BEND6: variants seen among roughly 807,000 people sequenced by gnomAD.
BEND6 encodes BEN domain-containing protein 6.
BEND6 carries 24 observed loss-of-function variants against 31.8 expected under a neutral mutation model. That is an observed-to-expected ratio of 0.75 (90% CI 0.55 to 1.06). The LOEUF (loss-of-function observed/expected upper bound fraction) is 1.06. Ranked by LOEUF, BEND6 falls within the 50% of genes least tolerant of loss-of-function variation. The pLI is 0.00. For synonymous variants in BEND6, 109 were observed against 114.6 expected (o/e 0.95, Z 0.31); for missense variants, 294 against 327.4 (o/e 0.90, Z 0.79).
At chr6:57,025,784 C>G (rs1044934472) in intron 6 of BEND6, among the ~76,000 whole-genome samples, 6 of 151,968 alleles carry the variant, frequency 3.9e-5, no homozygotes, top group Admixed American at 6.6e-5. Flanking sequence ...CTGCTTGGAG[C>G]TTTTCGTTTT....
intron 1 of BEND6, among the ~76,000 whole-genome samples, chr6:56,967,500 A>C (rs1466295860): frequency 6.6e-6 from 1 of 152,154 alleles, no homozygotes; most frequent in East Asian, 1.9e-4. Flanking sequence ...CATTGGCTGA[A>C]ATCAGCTGAA....
At chr6:56,958,809 GCAAGGAC>G (rs1212080212) in intron 1 of BEND6, among the ~76,000 whole-genome samples, 4 of 152,178 alleles carry the variant, frequency 2.6e-5, no homozygotes, top group Admixed American at 1.3e-4. Flanking sequence ...TCTAAGGAGG[GCAAGGAC>G]TGAGGACTGG....
chr6:57,013,764 G>T (rs1258422562), intron 3 of BEND6: 1 of 152,310 alleles, frequency 6.6e-6, no homozygotes, highest in Non-Finnish European at 1.5e-5. Flanking sequence ...TTGCTACACA[G>T]CCTGGTTTGT....
chr6:57,017,049 A>G (rs549518379), intron 4 of BEND6, among the ~76,000 whole-genome samples, 158 bp from the exon 5 acceptor site: 37 of 151,350 alleles, frequency 2.4e-4, no homozygotes, highest in Non-Finnish European at 4.9e-4. Flanking sequence ...TAAAATATAT[A>G]TTAAATTAAA....
intron 6 of BEND6, among the ~76,000 whole-genome samples, chr6:57,019,102 A>C (rs958021507): frequency 6.6e-6 from 1 of 152,320 alleles, no homozygotes; most frequent in Admixed American, 6.5e-5. Flanking sequence ...GTTGCTTCGC[A>C]TGGTCTTTAA....
chr6:57,000,885 A>G (rs529163382), intron 3 of BEND6, among the ~76,000 whole-genome samples: 113 of 44,494 alleles, frequency 2.5e-3, no homozygotes, highest in Middle Eastern at 0.027. Context: ...ACTTCCTCTG[A>G]AAAAAAAAAA....
chr6:56,991,322 A>C (rs1383771817), intron 2 of BEND6, among the ~76,000 whole-genome samples: 1 of 152,024 alleles, frequency 6.6e-6, no homozygotes, highest in Non-Finnish European at 1.5e-5. Context: ...CTAGGGATTG[A>C]AAACTGTCAA....
chr6:56,986,436 C>T (rs897870803), intron 2 of BEND6, among the ~76,000 whole-genome samples: 2 of 151,146 alleles, frequency 1.3e-5, no homozygotes, highest in Admixed American at 1.3e-4. Flanking sequence ...AGACCTGTTT[C>T]CAGAAAATAA....
At chr6:57,005,137 A>AT (rs955279151) in intron 3 of BEND6, among the ~76,000 whole-genome samples, 11 of 151,738 alleles carry the variant, frequency 7.2e-5, no homozygotes, top group Admixed American at 5.9e-4. Context: ...TATAAGCCTT[A>AT]TTTTTTTTCA....
intron 2 of BEND6, among the ~76,000 whole-genome samples, chr6:56,984,149 A>G (rs1229794571): frequency 6.6e-6 from 1 of 151,776 alleles, no homozygotes; most frequent in Non-Finnish European, 1.5e-5. Context: ...TCAGTCTAGG[A>G]GTTTCAGGCT....
chr6:56,978,615 C>G (rs1195946898), intron 1 of BEND6, among the ~76,000 whole-genome samples: 1 of 152,196 alleles, frequency 6.6e-6, no homozygotes, highest in Non-Finnish European at 1.5e-5. Context: ...AGTGAACATT[C>G]ATTCTTGTGG....
At chr6:56,969,733 G>GTT (rs1231824306) in intron 1 of BEND6, among the ~76,000 whole-genome samples, 1 of 140,960 alleles carries the variant, frequency 7.1e-6, no homozygotes, top group African/African-American at 2.6e-5. Flanking sequence ...TGGTGACTTT[G>GTT]TTTTTTTTTT....
intron 3 of BEND6, among the ~76,000 whole-genome samples, chr6:57,003,515 A>G (rs1357798642): frequency 1.3e-5 from 2 of 149,388 alleles, no homozygotes; most frequent in Admixed American, 6.6e-5. Flanking sequence ...ACAAACAGCA[A>G]CAACAACAAC....
rs1251976143 is a variant in BEND6, at chr6:56,992,371, A to G, written c.121-7A>G. 15 of 1,599,882 alleles carry G rather than the reference A, an allele frequency of 9.4e-6. No homozygotes were observed. The highest frequency in any genetic ancestry group is 3.4e-5 in the South Asian group (3 of 87,794). The stretch of plus-strand genomic sequence containing the variant: ...GCTTCTTTTATTGTGCCTGCCTTCT[A>G]TTTTAGAGAGACCCATATTCGGGAA... On this transcript the variant is annotated splice_polypyrimidine_tract_variant and splice_region_variant and intron_variant, in intron 2 of 6. Transcript: ENST00000370746.
chr6:57,015,351 C>G lies in BEND6; in HGVS notation c.517C>G (p.Gln173Glu). 6.2e-7 allele frequency: 1 copy of G among 1,611,336 alleles called. No individual in the cohort carries two copies. The highest frequency in any genetic ancestry group is 8.5e-7 in the Non-Finnish European group (1 of 1,177,774). The change falls in exon 4 of 7, where the codon CAG becomes GAG. Residue 173 changes from glutamine (Q) to glutamate (E), a missense_variant and splice_region_variant. Transcript: ENST00000370746. ...PEEEHQTDEK[Q>E]FQIEKWQIAR... ...GGAAGAGCATCAGACTGATGAGAAA[C>G]AGGTCAGTTGTAATACCCGCCTTAT...
At chr6:56,970,276 C>A (rs1429471911) in intron 1 of BEND6, among the ~76,000 whole-genome samples, 2 of 151,942 alleles carry the variant, frequency 1.3e-5, no homozygotes, top group Admixed American at 1.3e-4. Flanking sequence ...CTCTCTACAA[C>A]CTCCGCCTCC....
chr6:57,025,140 A>C (rs111368146), intron 6 of BEND6, among the ~76,000 whole-genome samples: 2,044 of 152,286 alleles, frequency 0.013, 53 homozygotes, highest in African/African-American at 0.045. Context: ...GAGGTCACAT[A>C]GTTTCCCTAA....
intron 1 of BEND6, among the ~76,000 whole-genome samples, chr6:56,962,030 A>T (rs747856295): frequency 6.6e-5 from 10 of 152,200 alleles, no homozygotes; most frequent in Non-Finnish European, 1.3e-4. Flanking sequence ...AGGTGATTAG[A>T]CCATGAGGGC....
At position 57,017,414 on chromosome 6, in the gene BEND6, G is replaced by A. The variant is rs181739869; in HGVS notation, c.712+15G>A. The A allele has an allele frequency of 7.3e-4, 960 of 1,315,524 alleles. No individual in the cohort carries two copies. The highest frequency in any genetic ancestry group is 9.1e-4 in the South Asian group (33 of 36,196). 81.5% of individuals were successfully genotyped at this position (1,315,524 alleles called of 1,614,324 possible). ...AGAAATCATAGGTGATAATATGATTGCGTTATATTGTCGTATGAATTTTAA... is the reference window on the plus strand; with the variant it reads ...AGAAATCATAGGTGATAATATGATTACGTTATATTGTCGTATGAATTTTAA... On this transcript the variant is annotated intron_variant, in intron 5 of 6. Transcript: ENST00000370746.
Sources: allele counts gnomAD v4.1 joint callset (sites outside exome capture counted in the v4.1 genomes callset), GRCh38; gene constraint gnomAD v4.1.1; transcripts MANE v1.5; gene names NCBI Gene and HGNC (gene_info 2026-07-23, HGNC 2026-07-21).